Variants in GEMIN5 observed in about 807,000 individuals in gnomAD.
GEMIN5 encodes gem nuclear organelle associated protein 5, also known as gem-associated protein 5.
In GEMIN5, 124 loss-of-function variants were observed where a neutral mutation model predicts 176.9. The observed-to-expected ratio is 0.70, with a 90% confidence interval of 0.61 to 0.81. GEMIN5 has a LOEUF of 0.81. GEMIN5 is among the 40% of genes least tolerant of loss of function. The pLI is 0.00. For synonymous variants in GEMIN5, 673 were observed against 665.2 expected (o/e 1.01, Z -0.18); for missense variants, 1,843 against 1,814.6 (o/e 1.02, Z -0.28).
chr5:154,907,540 T>C (rs746698667), intron 16 of GEMIN5, 51 bp downstream of exon 16: 2 of 1,381,766 alleles, frequency 1.4e-6, no homozygotes, highest in Admixed American at 3.4e-5. Context: ...TAGCTTAGTT[T>C]CCCAGACACG....
At chr5:154,908,998 G>C (rs1002819727) in intron 15 of GEMIN5, among the ~76,000 whole-genome samples, 13 of 151,940 alleles carry the variant, frequency 8.6e-5, no homozygotes, top group African/African-American at 3.1e-4. Context: ...TCTGTTGTCT[G>C]GGCTGGAGTG....
intron 8 of GEMIN5, among the ~76,000 whole-genome samples, chr5:154,924,915 G>T (rs954553160): frequency 6.6e-6 from 1 of 152,042 alleles, no homozygotes; most frequent in Non-Finnish European, 1.5e-5. Flanking sequence ...CGTGAACCCG[G>T]GAGGCGGAGC....
rs547445709 is a variant in GEMIN5, at chr5:154,913,682, T to C, written c.1856-644A>G. 2.6e-5 allele frequency among the ~76,000 whole-genome samples: 4 copies of C among 152,070 alleles called. No homozygotes were observed. The East Asian group carries it at 7.8e-4, about 30-fold the overall frequency. On this transcript the variant is annotated intron_variant, in intron 13 of 27. Transcript: ENST00000285873. ...AAATACAAAAATTAACCGGGTGTGT[T>C]GGTGCACACCTATAGTCCCAGCTAC...
At position 154,931,580 on chromosome 5, in the gene GEMIN5, A is replaced by G. The variant is rs201340849; in HGVS notation, c.662-3T>C. Reference sequence around the variant, plus strand: ...CCCGTTGGTAATTTCAGCTTCTTCTATGAGATAGGTGGCAATTTTGTTTTT... The same window carrying G: ...CCCGTTGGTAATTTCAGCTTCTTCTGTGAGATAGGTGGCAATTTTGTTTTT... On this transcript the variant is annotated splice_polypyrimidine_tract_variant and splice_region_variant and intron_variant, in intron 4 of 27. Transcript: ENST00000285873. 2 of 1,587,088 alleles carry G rather than the reference A, an allele frequency of 1.3e-6. No homozygotes were observed. Among genetic ancestry groups the G allele is most frequent in the Non-Finnish European group, 8.6e-7 (1 of 1,161,482 alleles).
chr5:154,898,416 T>C, intron 23 of GEMIN5, 24 bp downstream of exon 23: 1 of 1,573,872 alleles, frequency 6.4e-7, no homozygotes, highest in Non-Finnish European at 8.7e-7. Context: ...TCTTGTATAC[T>C]AGGAGATGAA....
chr5:154,889,358 G>GC lies in GEMIN5; in HGVS notation c.4321dup (p.Ala1441GlyfsTer10). The GC allele has an allele frequency of 6.2e-7, 1 of 1,608,814 alleles. No homozygotes were observed. The highest frequency in any genetic ancestry group is 8.5e-7 in the Non-Finnish European group (1 of 1,175,502). On this transcript the variant is annotated frameshift_variant, in exon 27 of 28. Transcript: ENST00000285873. LOFTEE classifies it high-confidence loss of function. ...AGGAAATTTCGCCATTCTCTGATTTGCCTCGGTAAGCCTTTTGGTTAACTC... is the reference window on the plus strand; with the variant it reads ...AGGAAATTTCGCCATTCTCTGATTTGCCCTCGGTAAGCCTTTTGGTTAACTC...
chr5:154,897,684 G>A (rs1248324330), intron 23 of GEMIN5, among the ~76,000 whole-genome samples: 1 of 151,824 alleles, frequency 6.6e-6, no homozygotes. Context: ...ACAAGATTTC[G>A]CCATGTTGGC....
chr5:154,926,954 G>A (rs1166350589), intron 7 of GEMIN5, among the ~76,000 whole-genome samples: 4 of 151,986 alleles, frequency 2.6e-5, no homozygotes, highest in African/African-American at 9.7e-5. Flanking sequence ...AGAGGCTGAG[G>A]CAGGAGAATG....
At position 154,888,166 on chromosome 5, in the gene GEMIN5, T is replaced by C; in HGVS notation, c.*44A>G. The C allele has an allele frequency of 6.3e-7, 1 of 1,584,052 alleles. No homozygotes were observed. Among genetic ancestry groups the C allele is most frequent in the Non-Finnish European group, 8.7e-7 (1 of 1,152,998 alleles). On this transcript the variant is annotated 3_prime_UTR_variant, in exon 28 of 28. Transcript: ENST00000285873. ...GGCATAACTGCAGAGGTGAAAGATG[T>C]CAAACATTTTCAATTTGGCAGTTTC...
intron 7 of GEMIN5, 38 bp from the exon 8 acceptor site, chr5:154,926,112 G>C (rs1764024921): frequency 1.5e-6 from 2 of 1,369,074 alleles, no homozygotes; most frequent in African/African-American, 1.4e-5. Flanking sequence ...ACATAAAAAA[G>C]AACAGAGAAA....
At chr5:154,897,914 G>GTTT (rs35458616) in intron 23 of GEMIN5, among the ~76,000 whole-genome samples, 1,589 of 124,418 alleles carry the variant, frequency 0.013, 58 homozygotes, top group African/African-American at 0.022. Context: ...TTTTTTTTGT[G>GTTT]TTTTTTTTTT....
At chr5:154,895,039 A>C (rs1763319398) in intron 24 of GEMIN5, among the ~76,000 whole-genome samples, 1 of 133,564 alleles carries the variant, frequency 7.5e-6, no homozygotes, top group African/African-American at 2.9e-5. Flanking sequence ...ATATCATGCC[A>C]CTGTACTCCA....
chr5:154,920,261 C>G (rs1029650643), intron 10 of GEMIN5, among the ~76,000 whole-genome samples, 158 bp from the exon 11 acceptor site: 30 of 152,126 alleles, frequency 2.0e-4, no homozygotes, highest in African/African-American at 6.8e-4. Context: ...TTCTTTCCAC[C>G]TGAACACAGT....
intron 12 of GEMIN5, 137 bp downstream of exon 12, chr5:154,917,794 C>T (rs1012921556): frequency 1.4e-5 from 9 of 659,944 alleles, no homozygotes; most frequent in Non-Finnish European, 2.2e-5. Flanking sequence ...ACTGGATCAG[C>T]GGAGGATATC....
chr5:154,909,261 C>T (rs1763642662), intron 15 of GEMIN5, among the ~76,000 whole-genome samples: 1 of 147,422 alleles, frequency 6.8e-6, no homozygotes, highest in African/African-American at 2.5e-5. Context: ...AGCTACTGTG[C>T]CTGGCCCACA....
chr5:154,920,054 T>C lies in GEMIN5; in HGVS notation c.1512A>G (p.Glu504=). 6.2e-7 allele frequency: 1 copy of C among 1,612,998 alleles called. No individual in the cohort carries two copies. Among genetic ancestry groups the C allele is most frequent in the Non-Finnish European group, 8.5e-7 (1 of 1,178,996 alleles). Residue 504 remains glutamate, a synonymous_variant, in exon 11 of 28, where the codon GAA becomes GAG. Transcript: ENST00000285873. ...AGGGATTATGCTGTAAGACAATCCC[T>C]TCTCCTCCACAGCTGTATAAAGCAA... ...PSLALYSCGG[E]GIVLQHNPWK... is the part of the protein sequence containing the mutation.
In GEMIN5 at chr5:154,924,489, C is replaced by T; in HGVS notation, c.1359G>A (p.Leu453=). ...CTTACTTGTTGGAGTAGGTGTCATA[C>T]AATCCCACTTTTCCATCATCAGTTC... ...AFGTDDGKVG[L]YDTYSNKPPQ... is the part of the protein sequence containing the mutation. Residue 453 remains leucine (L), a synonymous_variant, in exon 9 of 28, where the codon TTG becomes TTA. Transcript: ENST00000285873. The T allele has an allele frequency of 6.2e-7, 1 of 1,609,996 alleles. No homozygotes were observed. The highest frequency in any genetic ancestry group is 1.1e-5 in the South Asian group (1 of 90,966).
Position 154,905,468 on chromosome 5 carries a change from C to T in GEMIN5, c.2404G>A (p.Glu802Lys), listed in dbSNP as rs1284385905. The T allele has an allele frequency of 2.0e-6, 3 of 1,512,140 alleles. No individual in the cohort carries two copies. The highest frequency in any genetic ancestry group is 1.8e-6 in the Non-Finnish European group (2 of 1,099,184). The allele number at this position is 1,512,140 out of a possible 1,614,324, so 93.7% of individuals were successfully genotyped here. Residue 802 changes from glutamate to lysine, a missense_variant, in exon 17 of 28, where the codon GAA (glutamate) becomes AAA (lysine). By Grantham distance (56) the Glu-to-Lys change is moderately conservative. Transcript: ENST00000285873. ...PCGLAPAVSR[E>K]PVICTPVSSG... The stretch of plus-strand genomic sequence containing the variant: ...GAAACTGGAGTGCAGATAACTGGTT[C>T]TCTAGAAACTACATCATGGGGGAAA...
intron 18 of GEMIN5, among the ~76,000 whole-genome samples, chr5:154,904,237 C>A (rs889962705): frequency 6.6e-6 from 1 of 152,080 alleles, no homozygotes; most frequent in Non-Finnish European, 1.5e-5. Flanking sequence ...CCAATTCTGG[C>A]ACACAGATGG....
Sources: allele counts gnomAD v4.1 joint callset (sites outside exome capture counted in the v4.1 genomes callset), GRCh38; gene constraint gnomAD v4.1.1; transcripts MANE v1.5; gene names NCBI Gene and HGNC (gene_info 2026-07-23, HGNC 2026-07-21).